Variants in CABLES1 observed in about 807,000 individuals in gnomAD.
The protein encoded by CABLES1 is CDK5 and ABL1 enzyme substrate 1.
Under a neutral mutation model 57.8 loss-of-function variants are expected in CABLES1, and 36 were observed. The ratio of observed to expected loss-of-function variants is 0.62; its 90% CI spans 0.48 to 0.82. CABLES1 has a LOEUF of 0.82. CABLES1 is among the 40% of genes least tolerant of loss of function. The pLI is 0.00. For synonymous variants in CABLES1, 374 were observed against 363.0 expected (o/e 1.03, Z -0.35); for missense variants, 767 against 836.6 (o/e 0.92, Z 1.03).
intron 1 of CABLES1, among the ~76,000 whole-genome samples, chr18:23,164,129 G>A (rs748582683): frequency 6.6e-6 from 1 of 152,196 alleles, no homozygotes; most frequent in Non-Finnish European, 1.5e-5. Flanking sequence ...AAGTATAATT[G>A]TTTCAGAAAC....
In CABLES1 at chr18:23,214,145, A is replaced by C. The variant is rs563516967; in HGVS notation, c.1088+91A>C. ...GTGGCCATCCTTTCCATTTTCAAGA[A>C]GTTGCCTTGCTTTGATACTGCAAAT... On this transcript the variant is annotated intron_variant, in intron 4 of 9. Coordinates refer to ENST00000256925, the MANE Select transcript of CABLES1 (RefSeq NM_001100619.3). The C allele has an allele frequency of 1.3e-3, 1,152 of 871,562 alleles. 3 individuals carry two copies. The highest frequency in any genetic ancestry group is 2.0e-3 in the Non-Finnish European group (1,093 of 544,726). 54.0% of individuals were successfully genotyped at this position (871,562 alleles called of 1,614,324 possible). A position where few individuals can be genotyped will look rare whatever the true frequency, so the allele number is the denominator to read the frequency against.
chr18:23,169,905 C>T (rs1054186766), intron 1 of CABLES1, among the ~76,000 whole-genome samples: 3 of 152,040 alleles, frequency 2.0e-5, no homozygotes, highest in African/African-American at 7.2e-5. Flanking sequence ...TGGAGTCCGC[C>T]ACTGTGTGGG....
intron 3 of CABLES1, among the ~76,000 whole-genome samples, chr18:23,212,652 G>A (rs894042631): frequency 3.9e-5 from 6 of 152,150 alleles, no homozygotes; most frequent in South Asian, 4.1e-4. Flanking sequence ...GGGCCACCAC[G>A]CACTAAACCC....
rs1201038689 is a variant in CABLES1, at chr18:23,179,285, A to C, written c.846-9553A>C. Among the ~76,000 whole-genome samples the C allele has an allele frequency of 2.0e-5, 3 of 152,174 alleles. No homozygotes were observed. The East Asian group carries it at 5.8e-4, about 29-fold the overall frequency. On this transcript the variant is annotated intron_variant, in intron 1 of 9. Transcript: ENST00000256925. ...TGGGAGACAGAGACTCCGTCTAAAA[A>C]AATAAAGAAAAAACGGTTTCTTCCC...
At chr18:23,225,025 G>A (rs56860268) in intron 4 of CABLES1, among the ~76,000 whole-genome samples, 6,887 of 152,002 alleles carry the variant, frequency 0.045, 558 homozygotes, top group Admixed American at 0.21. Flanking sequence ...GCACCACCAC[G>A]CCCAGCTAAT....
chr18:23,136,673 G>A, intron 1 of CABLES1, 66 bp downstream of exon 1: 1 of 1,083,712 alleles, frequency 9.2e-7, no homozygotes, highest in Non-Finnish European at 1.2e-6. Context: ...GCCTCCCCGC[G>A]GTCTCTGGGC....
intron 1 of CABLES1, among the ~76,000 whole-genome samples, chr18:23,144,268 C>T (rs1314129212): frequency 2.6e-5 from 4 of 152,252 alleles, no homozygotes; most frequent in Non-Finnish European, 5.9e-5. Flanking sequence ...TTTGGTGGAA[C>T]AGACCACATC....
At chr18:23,177,199 G>T (rs2047129657) in intron 1 of CABLES1, among the ~76,000 whole-genome samples, 1 of 152,060 alleles carries the variant, frequency 6.6e-6, no homozygotes, top group African/African-American at 2.4e-5. Flanking sequence ...ACAGTGACTG[G>T]GGAGGAAGCG....
At chr18:23,170,689 C>G (rs376000233) in intron 1 of CABLES1, among the ~76,000 whole-genome samples, 2 of 152,344 alleles carry the variant, frequency 1.3e-5, no homozygotes, top group East Asian at 3.9e-4. Context: ...TGATTCTTGA[C>G]AGCTTCAGCT....
chr18:23,213,996 A>G lies in CABLES1; in HGVS notation c.1030A>G (p.Arg344Gly). 1 of 1,611,526 alleles carries G rather than the reference A, an allele frequency of 6.2e-7. No homozygotes were observed. The highest frequency in any genetic ancestry group is 8.5e-7 in the Non-Finnish European group (1 of 1,178,264). ...TTTTAGAATAGTCCTTATCAGTGGC[A>G]GAAGATCCTTCTGTAGTATATTTTC... ...RNGRIVLISG[R>G]RSFCSIFSVL... Residue 344 changes from arginine (R) to glycine (G), a missense_variant, in exon 4 of 10, where the codon AGA becomes GGA. Physicochemically the swap from Arg to Gly is moderately radical, Grantham distance 125. Coordinates refer to ENST00000256925, the MANE Select transcript of CABLES1 (RefSeq NM_001100619.3).
intron 8 of CABLES1, 106 bp from the exon 9 acceptor site, chr18:23,253,623 C>G: frequency 1.1e-6 from 1 of 940,628 alleles, no homozygotes; most frequent in Non-Finnish European, 1.6e-6. Context: ...CCAGATCACC[C>G]TCTGGGAAAG....
chr18:23,229,950 T>TATC (rs1301614335), intron 4 of CABLES1, among the ~76,000 whole-genome samples: 2 of 152,224 alleles, frequency 1.3e-5, no homozygotes, highest in Non-Finnish European at 2.9e-5. Flanking sequence ...TTCATGTTAA[T>TATC]ATCAGAAAGA....
intron 8 of CABLES1, 139 bp downstream of exon 8, chr18:23,253,205 G>C: frequency 1.6e-6 from 1 of 609,714 alleles, no homozygotes; most frequent in Non-Finnish European, 3.0e-6. Context: ...AAGGACAGCC[G>C]GGCATGGTGG....
intron 4 of CABLES1, among the ~76,000 whole-genome samples, chr18:23,229,573 G>A (rs60506551): frequency 0.1 from 15,389 of 152,238 alleles, 1,523 homozygotes; most frequent in Admixed American, 0.28. Context: ...TGGAGAGTTA[G>A]TGCTGGCATT....
rs1252891925 is a variant in CABLES1 at position 23,236,050 on chromosome 18, A to T, written c.1341A>T (p.Thr447=). 1.2e-6 allele frequency: 2 copies of T among 1,613,894 alleles called. No individual in the cohort carries two copies. Among genetic ancestry groups the T allele is most frequent in the Non-Finnish European group, 1.7e-6 (2 of 1,179,972 alleles). ...GCGGCACCCAGGGGAGCCTCGACAC[A>T]GGTAACCTTGGCCTGGCTGGGTCTG... The part of the protein sequence containing the change: ...RASGTQGSLD[T]GSDLGDFMDY... Residue 447 remains threonine (T), a splice_region_variant and synonymous_variant, in exon 6 of 10, where the codon ACA becomes ACT. Coordinates refer to ENST00000256925, the MANE Select transcript of CABLES1 (RefSeq NM_001100619.3).
intron 4 of CABLES1, among the ~76,000 whole-genome samples, chr18:23,225,687 A>G (rs186044376): frequency 7.9e-5 from 12 of 152,290 alleles, no homozygotes; most frequent in African/African-American, 1.9e-4. Flanking sequence ...TTTTTCCTCA[A>G]CTAACACTTG....
chr18:23,152,738 G>T (rs1226462764), intron 1 of CABLES1, among the ~76,000 whole-genome samples: 1 of 151,924 alleles, frequency 6.6e-6, no homozygotes, highest in Non-Finnish European at 1.5e-5. Flanking sequence ...GCCTGGCTCG[G>T]CCTCCCAAAG....
chr18:23,187,389 A>T (rs191988370), intron 1 of CABLES1, among the ~76,000 whole-genome samples: 49 of 152,332 alleles, frequency 3.2e-4, no homozygotes, highest in Middle Eastern at 3.4e-3. Context: ...AGGAGGCTGT[A>T]TGATGAGTAT....
At chr18:23,193,194 C>CTTTCTT (rs1555663614) in intron 2 of CABLES1, among the ~76,000 whole-genome samples, 153 of 142,308 alleles carry the variant, frequency 1.1e-3, no homozygotes, top group African/African-American at 3.5e-3. Context: ...AAGAATCTTT[C>CTTTCTT]TTTTTTTTTT....
Sources: gnomAD v4.1 joint callset for allele counts (sites outside exome capture counted in the v4.1 genomes callset) on GRCh38, gnomAD v4.1.1 for gene constraint, MANE v1.5 for transcripts, NCBI Gene and HGNC (gene_info 2026-07-23, HGNC 2026-07-21) for gene names.